ABHD12: variants seen among roughly 807,000 people sequenced by gnomAD.
The protein encoded by ABHD12 is lysophosphatidylserine lipase ABHD12.
A neutral mutation model predicts 58.3 loss-of-function variants in ABHD12; 43 were observed. The ratio of observed to expected loss-of-function variants is 0.74; its 90% CI spans 0.58 to 0.95. ABHD12 has a LOEUF of 0.95. Among genes scored for constraint, ABHD12 ranks in the 40% least tolerant of loss-of-function variants. ABHD12 has a pLI of 0.00. For missense variants in ABHD12, 539 were observed against 537.2 expected (o/e 1.00, Z -0.03); for synonymous variants, 219 against 211.2 (o/e 1.04, Z -0.32).
intron 3 of ABHD12, among the ~76,000 whole-genome samples, chr20:25,322,480 A>C (rs1005576900): frequency 6.8e-6 from 1 of 147,256 alleles, no homozygotes; most frequent in South Asian, 2.2e-4. Flanking sequence ...CCTGCGTTCA[A>C]GCAATTCTCT....
intron 1 of ABHD12, among the ~76,000 whole-genome samples, chr20:25,379,787 G>A (rs1163641681): frequency 2.0e-5 from 3 of 151,918 alleles, no homozygotes; most frequent in African/African-American, 7.3e-5. Context: ...AGAGTGCAGT[G>A]GCTTGATCAT....
At chr20:25,323,560 C>T (rs965599130) in intron 2 of ABHD12, 130 bp from the exon 3 acceptor site, 12 of 712,510 alleles carry the variant, frequency 1.7e-5, no homozygotes, top group Non-Finnish European at 2.8e-5. Flanking sequence ...TGCACACCCA[C>T]ATGCACACAC....
In ABHD12 at chr20:25,378,885, G is replaced by C. The variant is rs182890209; in HGVS notation, c.191+11628C>G. On this transcript the variant is annotated intron_variant, in intron 1 of 12. Transcript: ENST00000339157. Reference sequence around the variant, plus strand: ...CCACACCAACACCCATCTGCCCTCTGCTCTCATTATGTCAGGACATTTTCT... The same window carrying C: ...CCACACCAACACCCATCTGCCCTCTCCTCTCATTATGTCAGGACATTTTCT... 4.0e-3 allele frequency among the ~76,000 whole-genome samples: 603 copies of C among 152,008 alleles called. 7 individuals carry two copies. Among genetic ancestry groups the C allele is most frequent in the Middle Eastern group, 3.4e-3 (1 of 294 alleles).
intron 2 of ABHD12, among the ~76,000 whole-genome samples, chr20:25,326,938 C>T (rs6083801): frequency 0.52 from 79,778 of 152,032 alleles, 21,464 homozygotes; most frequent in Admixed American, 0.59. Context: ...TACACTGTTC[C>T]CTTAAATGCA....
intron 1 of ABHD12, among the ~76,000 whole-genome samples, chr20:25,340,703 G>C (rs896933756): frequency 1.3e-5 from 2 of 152,174 alleles, no homozygotes; most frequent in African/African-American, 2.4e-5. Flanking sequence ...CAATACAGAT[G>C]AATCTCAAAA....
In ABHD12 at chr20:25,303,551, T is replaced by C; in HGVS notation, c.1028A>G (p.Lys343Arg). Residue 343 changes from lysine to arginine, a missense_variant and splice_region_variant, in exon 11 of 13, where the codon AAG becomes AGG. Coordinates refer to ENST00000339157, the MANE Select transcript of ABHD12 (RefSeq NM_001042472.3). ...CCAGAGGCAGAGGCCAGGACCCACC[T>C]TTCTGCCAAGCTGGAAGGGCACCAC... ...DPVVPFQLGRKLYSIAAPARS... is the reference protein window; with the variant it reads ...DPVVPFQLGRRLYSIAAPARS... 14 of 1,613,536 alleles carry C rather than the reference T, an allele frequency of 8.7e-6. No homozygotes were observed. The highest frequency in any genetic ancestry group is 1.2e-5 in the Non-Finnish European group (14 of 1,179,924).
chr20:25,381,622 C>T (rs1387016255), intron 1 of ABHD12, among the ~76,000 whole-genome samples: 3 of 116,606 alleles, frequency 2.6e-5, no homozygotes, highest in Non-Finnish European at 5.2e-5. Flanking sequence ...TTTCTCAGTA[C>T]CCTCTTTTTT....
intron 6 of ABHD12, among the ~76,000 whole-genome samples, chr20:25,312,979 A>G (rs1412114166): frequency 7.7e-6 from 1 of 130,172 alleles, no homozygotes; most frequent in Non-Finnish European, 1.6e-5. Context: ...CCAGCCCCCG[A>G]CCGGCCAGCC....
At position 25,302,326 on chromosome 20, in the gene ABHD12, T is replaced by C; in HGVS notation, c.1050A>G (p.Pro350=). Reference sequence around the variant, plus strand: ...CTTTGAAATCTCGGAAGCTTCGAGCTGGTGCGGCGATGCTATAGAGCTGGG... The same window carrying C: ...CTTTGAAATCTCGGAAGCTTCGAGCCGGTGCGGCGATGCTATAGAGCTGGG... ...LGRKLYSIAA[P]ARSFRDFKVQ... Residue 350 remains proline, a synonymous_variant, in exon 12 of 13, where the codon CCA becomes CCG. Coordinates refer to ENST00000339157, the MANE Select transcript of ABHD12 (RefSeq NM_001042472.3). The C allele has an allele frequency of 6.2e-7, 1 of 1,613,582 alleles. No homozygotes were observed. Among genetic ancestry groups the C allele is most frequent in the South Asian group, 1.1e-5 (1 of 91,042 alleles).
chr20:25,296,971 GGGCCAAGCCCCATGTA>G (rs761084604), downstream of ABHD12: 512 of 171,852 alleles, frequency 3.0e-3, 5 homozygotes, highest in Non-Finnish European at 3.4e-3. Flanking sequence ...CCACAGGGAA[GGGCCAAGCCCCATGTA>G]GCCCCAGTCA....
At position 25,326,170 on chromosome 20, in the gene ABHD12, G is replaced by A. The variant is rs556040930; in HGVS notation, c.317-2740C>T. The stretch of plus-strand genomic sequence containing the variant: ...AGAGAAGAGAGAGGAAGGAAGGAAG[G>A]GAGAGAGGTAGGGAGGGAGTGGGGG... On this transcript the variant is annotated intron_variant, in intron 2 of 12. Coordinates refer to ENST00000339157, the MANE Select transcript of ABHD12 (RefSeq NM_001042472.3). Among the ~76,000 whole-genome samples the A allele has an allele frequency of 6.1e-4, 91 of 149,254 alleles. No individual in the cohort carries two copies. The South Asian group carries it at 0.019, about 32-fold the overall frequency.
At chr20:25,340,753 T>C (rs2089444227) in intron 1 of ABHD12, among the ~76,000 whole-genome samples, 1 of 152,228 alleles carries the variant, frequency 6.6e-6, no homozygotes, top group African/African-American at 2.4e-5. Context: ...AAAGACTGTA[T>C]ACTATATAAT....
intron 1 of ABHD12, chr20:25,339,667 C>T (rs772427076): frequency 7.2e-7 from 1 of 1,388,182 alleles, no homozygotes; most frequent in Non-Finnish European, 9.7e-7. Context: ...ACCATGCCCC[C>T]CACCTGACAT....
intron 1 of ABHD12, among the ~76,000 whole-genome samples, chr20:25,360,475 G>A (rs1286570865): frequency 3.3e-5 from 5 of 151,756 alleles, no homozygotes; most frequent in South Asian, 2.1e-4. Context: ...TCCTGACCTC[G>A]TGATCTACCC....
intron 1 of ABHD12, among the ~76,000 whole-genome samples, chr20:25,379,494 C>T (rs2089997941): frequency 6.6e-6 from 1 of 152,148 alleles, no homozygotes; most frequent in Non-Finnish European, 1.5e-5. Context: ...CCTTGGCCTT[C>T]CTTCCTATCT....
Position 25,309,436 on chromosome 20 carries a change from G to C in ABHD12, c.749+10C>G. On this transcript the variant is annotated intron_variant, in intron 7 of 12. Transcript: ENST00000339157. ...CCCACTAAAGGCTGCCTCCTGCTGG[G>C]GTCCCTTACCCAGTGCCCAGAGAGT... The C allele has an allele frequency of 6.2e-7, 1 of 1,613,992 alleles. No individual in the cohort carries two copies. Among genetic ancestry groups the C allele is most frequent in the African/African-American group, 1.3e-5 (1 of 75,044 alleles).
intron 1 of ABHD12, among the ~76,000 whole-genome samples, chr20:25,388,636 A>G (rs1381114489): frequency 4.6e-5 from 7 of 152,224 alleles, no homozygotes. Context: ...CCTTTTGCTT[A>G]TCCAAAGGAT....
chr20:25,330,831 G>T (rs1320332059), intron 2 of ABHD12, among the ~76,000 whole-genome samples: 1 of 152,070 alleles, frequency 6.6e-6, no homozygotes, highest in Non-Finnish European at 1.5e-5. Flanking sequence ...CATCATCAAA[G>T]ACCAAAAGTA....
chr20:25,302,449 G>C (rs533451545), intron 11 of ABHD12, 103 bp from the exon 12 acceptor site: 30 of 1,472,240 alleles, frequency 2.0e-5, no homozygotes, highest in South Asian at 1.4e-4. Context: ...AACCAGTCCA[G>C]AGTCCCACAT....
Sources: gnomAD v4.1 joint callset for allele counts (sites outside exome capture counted in the v4.1 genomes callset) on GRCh38, gnomAD v4.1.1 for gene constraint, MANE v1.5 for transcripts, NCBI Gene and HGNC (gene_info 2026-07-23, HGNC 2026-07-21) for gene names.